CNOT6: variants seen among roughly 807,000 people sequenced by gnomAD.
CNOT6 encodes CCR4-NOT transcription complex subunit 6.
CNOT6 carries 12 observed loss-of-function variants against 61.2 expected under a neutral mutation model. That is an observed-to-expected ratio of 0.20 (90% CI 0.13 to 0.32). CNOT6 has a LOEUF of 0.32. Among genes scored for constraint, CNOT6 ranks in the 10% least tolerant of loss-of-function variants. The pLI is 1.00. For missense variants in CNOT6, 405 were observed against 663.9 expected, an observed-to-expected ratio of 0.61 and a Z score of 4.28; for synonymous variants, 225 against 240.6, an observed-to-expected ratio of 0.94 and a Z score of 0.60.
intron 1 of CNOT6, among the ~76,000 whole-genome samples, chr5:180,500,475 T>C (rs1756824684): frequency 6.6e-6 from 1 of 150,596 alleles, no homozygotes; most frequent in African/African-American, 2.5e-5. Context: ...TCTCACTCTG[T>C]TGCCCAGGCT....
At chr5:180,500,717 G>C (rs1257471534) in intron 1 of CNOT6, among the ~76,000 whole-genome samples, 2 of 152,198 alleles carry the variant, frequency 1.3e-5, no homozygotes, top group Non-Finnish European at 2.9e-5. Context: ...TATGTGTCAG[G>C]TAACATGCTA....
In CNOT6 at chr5:180,553,941, G is replaced by A. The variant is rs547670082; in HGVS notation, c.385+470G>A. 5.1e-4 allele frequency among the ~76,000 whole-genome samples: 78 copies of A among 152,244 alleles called. 1 individual carries two copies. The South Asian group carries it at 7.0e-3, about 14-fold the overall frequency. ...TGATTATAGGGCCATAATTGATCCA[G>A]CAAGAACTATTAGGAAATAAATATT... On this transcript the variant is annotated intron_variant, in intron 4 of 11. Transcript: ENST00000261951.
At chr5:180,573,867 C>G (rs1760888216) in intron 11 of CNOT6, 121 bp from the exon 12 acceptor site, 3 of 692,864 alleles carry the variant, frequency 4.3e-6, no homozygotes, top group African/African-American at 1.8e-5. Flanking sequence ...ATCCTACAAG[C>G]TAGTAAGTTT....
intron 2 of CNOT6, among the ~76,000 whole-genome samples, chr5:180,532,956 G>T (rs867535161): frequency 7.2e-5 from 11 of 152,310 alleles, no homozygotes; most frequent in African/African-American, 2.2e-4. Flanking sequence ...CCACCCTTCA[G>T]GAGGAACCTC....
At chr5:180,541,614 G>C (rs147717805) in intron 2 of CNOT6, among the ~76,000 whole-genome samples, 1 of 150,160 alleles carries the variant, frequency 6.7e-6, no homozygotes, top group Non-Finnish European at 1.5e-5. Flanking sequence ...CATCACGCCT[G>C]GCTAATTTTT....
In CNOT6 at chr5:180,529,235, T is replaced by C. The variant is rs753887015; in HGVS notation, c.-2-40T>C. 2.6e-6 allele frequency: 3 copies of C among 1,174,374 alleles called. No individual in the cohort carries two copies. The Admixed American group carries it at 6.3e-5, about 25-fold the overall frequency. The allele number at this position is 1,174,374 out of a possible 1,614,324, so 72.7% of individuals were successfully genotyped here. On this transcript the variant is annotated intron_variant, in intron 1 of 11. Transcript: ENST00000261951. Reference sequence around the variant, plus strand: ...AAAAGGTGTTGTGGCTTTTGTTTATTTGATTTTTTAGAATACTGATTGGTT... The same window carrying C: ...AAAAGGTGTTGTGGCTTTTGTTTATCTGATTTTTTAGAATACTGATTGGTT...
intron 4 of CNOT6, among the ~76,000 whole-genome samples, chr5:180,558,498 G>T (rs962623627): frequency 1.4e-5 from 2 of 140,734 alleles, no homozygotes; most frequent in Non-Finnish European, 3.1e-5. Flanking sequence ...CCCTCCTTCG[G>T]CAGAAACACC....
intron 2 of CNOT6, among the ~76,000 whole-genome samples, chr5:180,540,202 C>A (rs1758963000): frequency 6.6e-6 from 1 of 152,166 alleles, no homozygotes; most frequent in Non-Finnish European, 1.5e-5. Flanking sequence ...TGTGGACACC[C>A]TGTACTCACT....
chr5:180,534,664 G>A (rs1758580008), intron 2 of CNOT6: 1 of 148,648 alleles, frequency 6.7e-6, no homozygotes, highest in South Asian at 2.1e-4. Flanking sequence ...GAGTCGCTGG[G>A]GTCCGAGAGG....
intron 1 of CNOT6, among the ~76,000 whole-genome samples, chr5:180,525,027 TG>T (rs1160943978): frequency 1.3e-5 from 2 of 152,200 alleles, no homozygotes; most frequent in East Asian, 3.9e-4. Context: ...CCTTACCATA[TG>T]GTTCTCTAGA....
chr5:180,555,493 CT>C (rs1422384664), intron 4 of CNOT6, among the ~76,000 whole-genome samples: 1 of 152,174 alleles, frequency 6.6e-6, no homozygotes, highest in Non-Finnish European at 1.5e-5. Flanking sequence ...GAGACATTTG[CT>C]TATCTCACAT....
At position 180,549,981 on chromosome 5, in the gene CNOT6, G is replaced by A. The variant is rs747373651; in HGVS notation, c.163G>A (p.Ala55Thr). 2 of 1,614,000 alleles carry A rather than the reference G, an allele frequency of 1.2e-6. No homozygotes were observed. ...ASLWSLTHLT[A>T]LHLSDNSLSR... ...TTTGTGGTCACTAACTCACCTGACA[G>A]CTTTGCATTTGAGTGACAATTCCCT... Residue 55 changes from alanine to threonine, a missense_variant, in exon 3 of 12, where the codon GCT becomes ACT. Coordinates refer to ENST00000261951, the MANE Select transcript of CNOT6 (RefSeq NM_001370472.1).
At chr5:180,547,728 GTTGT>G (rs369536134) in intron 2 of CNOT6, among the ~76,000 whole-genome samples, 81 of 152,102 alleles carry the variant, frequency 5.3e-4, no homozygotes, top group Admixed American at 3.3e-3. Context: ...AGTTCATGGA[GTTGT>G]TTGTTTGTTT....
chr5:180,496,063 C>T (rs1304148041), intron 1 of CNOT6, among the ~76,000 whole-genome samples: 1 of 152,162 alleles, frequency 6.6e-6, no homozygotes, highest in African/African-American at 2.4e-5. Context: ...CCGGCAGACA[C>T]CACCACGGCT....
At chr5:180,567,374 C>A in intron 8 of CNOT6, 132 bp downstream of exon 8, 1 of 774,474 alleles carries the variant, frequency 1.3e-6, no homozygotes, top group Non-Finnish European at 2.0e-6. Context: ...TACTGTTTGA[C>A]CTAGGGGGTT....
chr5:180,542,484 C>T (rs954424151), intron 2 of CNOT6, among the ~76,000 whole-genome samples: 2 of 152,160 alleles, frequency 1.3e-5, no homozygotes, highest in African/African-American at 2.4e-5. Context: ...AGGCTTGTCT[C>T]GAACTCCTGA....
At chr5:180,570,245 C>G (rs970896758) in intron 10 of CNOT6, among the ~76,000 whole-genome samples, 3 of 152,168 alleles carry the variant, frequency 2.0e-5, no homozygotes, top group African/African-American at 2.4e-5. Context: ...GTAATCCCAG[C>G]TACTCGGGAG....
chr5:180,502,312 AGAGATT>A (rs1252151622), intron 1 of CNOT6, among the ~76,000 whole-genome samples: 2 of 152,246 alleles, frequency 1.3e-5, no homozygotes, highest in African/African-American at 2.4e-5. Flanking sequence ...CATTAGCGAT[AGAGATT>A]ATCTGATGTA....
intron 10 of CNOT6, among the ~76,000 whole-genome samples, chr5:180,570,425 A>C (rs142962794): frequency 5.9e-5 from 9 of 152,294 alleles, no homozygotes; most frequent in Admixed American, 2.0e-4. Flanking sequence ...GGGAAAATCA[A>C]AGCTATCTGA....
Sources: gnomAD v4.1 joint callset for allele counts (sites outside exome capture counted in the v4.1 genomes callset) on GRCh38, gnomAD v4.1.1 for gene constraint, MANE v1.5 for transcripts, NCBI Gene and HGNC (gene_info 2026-07-23, HGNC 2026-07-21) for gene names.